Variants in TMEM65 observed in about 807,000 individuals in gnomAD.
TMEM65 encodes the protein transmembrane protein 65.
In TMEM65, 22 loss-of-function variants were observed where a neutral mutation model predicts 25.4. The observed-to-expected ratio is 0.86, with a 90% CI of 0.62 to 1.23. The LOEUF is 1.23. Ranked by LOEUF, TMEM65 falls within the 50% of genes most tolerant of loss-of-function variation. The pLI is 0.00. For synonymous variants in TMEM65, 132 were observed against 126.2 expected, an observed-to-expected ratio of 1.05 and a Z score of -0.31; for missense variants, 262 against 308.2, an observed-to-expected ratio of 0.85 and a Z score of 1.12.
At chr8:124,327,796 T>C (rs1814384956) in intron 2 of TMEM65, among the ~76,000 whole-genome samples, 1 of 152,142 alleles carries the variant, frequency 6.6e-6, no homozygotes, top group South Asian at 2.1e-4. Context: ...TCTCTTTTTC[T>C]ATTATGACTA....
chr8:124,369,179 A>G (rs925024591), intron 1 of TMEM65, among the ~76,000 whole-genome samples: 5 of 152,238 alleles, frequency 3.3e-5, no homozygotes, highest in African/African-American at 1.2e-4. Context: ...TTGAAGGCGC[A>G]AACTCAACTT....
At chr8:124,323,469 C>T in intron 3 of TMEM65, 94 bp from the exon 4 acceptor site, 1 of 627,808 alleles carries the variant, frequency 1.6e-6, no homozygotes, top group East Asian at 3.3e-5. Flanking sequence ...CAAGTTAAAT[C>T]AACATGTTAG....
chr8:124,355,195 G>T (rs1814763379), intron 1 of TMEM65, among the ~76,000 whole-genome samples: 1 of 151,818 alleles, frequency 6.6e-6, no homozygotes, highest in Admixed American at 6.6e-5. Context: ...ACAAAATCAG[G>T]GTTAACAATT....
chr8:124,306,617 A>G lies in TMEM65; in HGVS notation c.*7343T>C, dbSNP rs968390256. The G allele has an allele frequency of 6.6e-6, 1 of 152,220 alleles. No homozygotes were observed. Among genetic ancestry groups the G allele is most frequent in the African/African-American group, 2.4e-5 (1 of 41,450 alleles). The allele number at this position is 152,220 out of a possible 1,614,324, so 9.4% of individuals were successfully genotyped here. A position where few individuals can be genotyped will look rare whatever the true frequency, so the allele number is the denominator to read the frequency against. On this transcript the variant is annotated 3_prime_UTR_variant, in exon 7 of 7. Coordinates refer to ENST00000297632, the MANE Select transcript of TMEM65 (RefSeq NM_194291.3). ...ATATATGTAGACACTAGTCTATTTT[A>G]TCATTTACTACCATAAATATATACA...
rs1318895251 is a variant in TMEM65, at chr8:124,371,845, C to T, written c.304+9G>A. Reference sequence around the variant, plus strand: ...GCCCCCGGGCTCGCCCCCCACCTGCCCCCCTTACCTTGGGCAATGGCAATA... The same window carrying T: ...GCCCCCGGGCTCGCCCCCCACCTGCTCCCCTTACCTTGGGCAATGGCAATA... On this transcript the variant is annotated intron_variant, in intron 1 of 6. Transcript: ENST00000297632. 7.9e-6 allele frequency: 12 copies of T among 1,519,290 alleles called. 1 individual carries two copies. The South Asian group carries it at 1.3e-4, about 17-fold the overall frequency. The allele number at this position is 1,519,290 out of a possible 1,614,324, so 94.1% of individuals were successfully genotyped here.
At chr8:124,346,976 C>T (rs987557133) in intron 1 of TMEM65, among the ~76,000 whole-genome samples, 10 of 152,064 alleles carry the variant, frequency 6.6e-5, no homozygotes, top group South Asian at 4.1e-4. Flanking sequence ...ACTTAAAATG[C>T]AAACCATGTT....
intron 1 of TMEM65, among the ~76,000 whole-genome samples, chr8:124,336,829 TAAAG>T (rs965309218): frequency 4.0e-5 from 6 of 151,558 alleles, no homozygotes; most frequent in African/African-American, 1.5e-4. Context: ...AAGCAAACAA[TAAAG>T]AGTCAAAATT....
chr8:124,345,734 A>ATTAATTATTTAT (rs1814633186), intron 1 of TMEM65, among the ~76,000 whole-genome samples: 1 of 150,118 alleles, frequency 6.7e-6, no homozygotes, highest in Non-Finnish European at 1.5e-5. Context: ...AAGGAGGTTT[A>ATTAATTATTTAT]TTATTTATTT....
At chr8:124,330,403 C>T (rs1814416474) in intron 2 of TMEM65, among the ~76,000 whole-genome samples, 1 of 151,816 alleles carries the variant, frequency 6.6e-6, no homozygotes, top group African/African-American at 2.4e-5. Flanking sequence ...CGCCTTGGGC[C>T]TAGAAATTCT....
At chr8:124,365,743 C>A (rs1224450461) in intron 1 of TMEM65, among the ~76,000 whole-genome samples, 17 of 152,050 alleles carry the variant, frequency 1.1e-4, no homozygotes, top group Non-Finnish European at 1.0e-4. Flanking sequence ...GTCCAGGAAC[C>A]AAGGAATCCC....
chr8:124,336,701 T>C lies in TMEM65; in HGVS notation c.305-5909A>G, dbSNP rs368364891. 5.6e-4 allele frequency among the ~76,000 whole-genome samples: 85 copies of C among 152,022 alleles called. No homozygotes were observed. In the East Asian group the frequency reaches 9.3e-3, roughly 17 times the overall value. ...AATGCTTAGGGGGAAATTTACAGTT[T>C]GAAATACTTACATTAAAAAGAAGAA... On this transcript the variant is annotated intron_variant, in intron 1 of 6. Transcript: ENST00000297632.
intron 6 of TMEM65, among the ~76,000 whole-genome samples, chr8:124,316,744 T>C (rs963579808): frequency 2.0e-5 from 3 of 152,212 alleles, no homozygotes; most frequent in African/African-American, 7.2e-5. Context: ...CCAACTTTAA[T>C]GCTAAAATTT....
At chr8:124,333,172 T>TAA (rs112386620) in intron 1 of TMEM65, among the ~76,000 whole-genome samples, 10 of 139,802 alleles carry the variant, frequency 7.2e-5, no homozygotes, top group African/African-American at 2.3e-4. Flanking sequence ...ACATCAGAAG[T>TAA]AAAAAAAAAA....
intron 1 of TMEM65, among the ~76,000 whole-genome samples, chr8:124,371,524 G>C (rs1815011322): frequency 6.6e-6 from 1 of 152,366 alleles, no homozygotes; most frequent in African/African-American, 2.4e-5. Context: ...GGGGAGGGGA[G>C]GCACGGGGCA....
At chr8:124,356,680 A>G (rs542022875) in intron 1 of TMEM65, among the ~76,000 whole-genome samples, 14 of 152,108 alleles carry the variant, frequency 9.2e-5, no homozygotes, top group African/African-American at 3.4e-4. Flanking sequence ...CTCTTACTTG[A>G]CCTATCTAAA....
intron 1 of TMEM65, among the ~76,000 whole-genome samples, chr8:124,371,458 A>C (rs913977774): frequency 3.9e-5 from 6 of 152,216 alleles, no homozygotes; most frequent in African/African-American, 1.4e-4. Flanking sequence ...ACAGCATGCC[A>C]CCTGCACGGG....
At chr8:124,339,222 A>AAAATATATATAT (rs1563594368) in intron 1 of TMEM65, among the ~76,000 whole-genome samples, 4 of 19,906 alleles carry the variant, frequency 2.0e-4, no homozygotes, top group Non-Finnish European at 2.4e-4. Flanking sequence ...AAAAAAAAAA[A>AAAATATATATAT]ATATATATAT....
At chr8:124,327,501 G>T in intron 2 of TMEM65, 80 bp from the exon 3 acceptor site, 1 of 930,356 alleles carries the variant, frequency 1.1e-6, no homozygotes, top group Non-Finnish European at 1.6e-6. Flanking sequence ...TATGATCAAA[G>T]TATCCTAAAC....
intron 4 of TMEM65, among the ~76,000 whole-genome samples, chr8:124,322,864 C>T (rs551152902): frequency 6.6e-6 from 1 of 151,952 alleles, no homozygotes; most frequent in East Asian, 1.9e-4. Flanking sequence ...GGAATGATGG[C>T]AGGCGCCAGT....
Sources: allele counts gnomAD v4.1 joint callset (sites outside exome capture counted in the v4.1 genomes callset), GRCh38; gene constraint gnomAD v4.1.1; transcripts MANE v1.5; gene names NCBI Gene and HGNC (gene_info 2026-07-23, HGNC 2026-07-21).